Variants in IQSEC1 observed in about 807,000 individuals in gnomAD.
IQSEC1 encodes the protein IQ motif and SEC7 domain-containing protein 1.
Under a neutral mutation model 91.0 loss-of-function variants are expected in IQSEC1, and 31 were observed. The observed-to-expected ratio is 0.34, with a 90% CI of 0.26 to 0.46. The LOEUF (loss-of-function observed/expected upper bound fraction) is 0.46, where lower values mean the gene tolerates loss of function less well. Ranked by LOEUF, IQSEC1 falls within the 20% of genes least tolerant of loss-of-function variation. IQSEC1 has a pLI of 1.00. For missense variants in IQSEC1, 1,388 were observed against 1,575.6 expected (o/e 0.88, Z 2.02); for synonymous variants, 699 against 662.6 (o/e 1.05, Z -0.84).
At chr3:13,279,225 T>C (rs1308306175) in intron 1 of IQSEC1, among the ~76,000 whole-genome samples, 1 of 152,224 alleles carries the variant, frequency 6.6e-6, no homozygotes, top group East Asian at 1.9e-4. Context: ...AAATCTTTAC[T>C]GAGTGCCTAT....
At chr3:13,070,845 C>T (rs1261648286) in intron 1 of IQSEC1, among the ~76,000 whole-genome samples, 4 of 152,214 alleles carry the variant, frequency 2.6e-5, no homozygotes, top group Admixed American at 6.5e-5. Context: ...GAAGGCTAGA[C>T]GAGCTTATTC....
At chr3:12,978,897 G>A (rs558595634) in intron 1 of IQSEC1, among the ~76,000 whole-genome samples, 3 of 152,242 alleles carry the variant, frequency 2.0e-5, no homozygotes, top group African/African-American at 7.2e-5. Flanking sequence ...GGAATTCACC[G>A]GGTGGCCCAG....
At position 12,915,106 on chromosome 3, in the gene IQSEC1, A is replaced by G; in HGVS notation, c.2188T>C (p.Cys730Arg). 3 of 1,607,316 alleles carry G rather than the reference A, an allele frequency of 1.9e-6. No individual in the cohort carries two copies. Among genetic ancestry groups the G allele is most frequent in the Admixed American group, 3.4e-5 (2 of 59,426 alleles). The change falls in exon 8 of 14, where the codon TGT becomes CGT. Residue 730 changes from cysteine (C) to arginine (R), a missense_variant and splice_region_variant. Around this residue, in one of 2 missense-constraint regions of IQSEC1, gnomAD observed 1,059 missense variants for 1,317.8 expected, o/e 0.80. Coordinates refer to ENST00000613206, the MANE Select transcript of IQSEC1 (RefSeq NM_001134382.3). ...PIGSLHPGLG[C>R]VLSLPHRRLV... ...GGTAAAACCAGAGAAATACTCACAC[A>G]GCCGAGCCCGGGATGCAGGGATCCG... is the stretch of plus-strand genomic sequence containing the variant.
At chr3:13,067,022 C>T (rs1391625078) in intron 1 of IQSEC1, among the ~76,000 whole-genome samples, 1 of 152,244 alleles carries the variant, frequency 6.6e-6, no homozygotes, top group Non-Finnish European at 1.5e-5. Flanking sequence ...TAACCAGGAA[C>T]TTTCCAGATG....
rs569500473 is a variant in IQSEC1 at position 12,958,627 on chromosome 3, A to C, written c.24-16762T>G. ...GGAGGTGAGCTGGCCAAAGAGGAAG[A>C]GGTCTGAAGGAACATAGACCATCTG... is the stretch of plus-strand genomic sequence containing the variant. On this transcript the variant is annotated intron_variant, in intron 1 of 13. Coordinates refer to ENST00000613206, the MANE Select transcript of IQSEC1 (RefSeq NM_001134382.3). 2.6e-5 allele frequency among the ~76,000 whole-genome samples: 4 copies of C among 152,340 alleles called. No individual in the cohort carries two copies. In the East Asian group the frequency reaches 7.7e-4, roughly 29 times the overall value.
intron 1 of IQSEC1, among the ~76,000 whole-genome samples, chr3:13,175,822 C>G (rs746865351): frequency 1.8e-4 from 28 of 152,208 alleles, no homozygotes; most frequent in Non-Finnish European, 3.8e-4. Flanking sequence ...GCTCTCCAAA[C>G]AGGAGGCTGG....
At chr3:13,127,375 T>C (rs1439855195) in intron 2 of IQSEC1, among the ~76,000 whole-genome samples, 2 of 152,102 alleles carry the variant, frequency 1.3e-5, no homozygotes, top group East Asian at 3.9e-4. Context: ...GATGGCACCA[T>C]TGCACTCCAG....
At chr3:13,201,596 G>A (rs536534276) in intron 1 of IQSEC1, among the ~76,000 whole-genome samples, 10 of 152,140 alleles carry the variant, frequency 6.6e-5, no homozygotes, top group East Asian at 3.9e-4. Context: ...CTCCTGCCTC[G>A]GCCACCCAAA....
chr3:13,275,771 T>C (rs964891301), intron 1 of IQSEC1, among the ~76,000 whole-genome samples: 7 of 152,108 alleles, frequency 4.6e-5, no homozygotes, highest in Non-Finnish European at 7.4e-5. Context: ...GTGGAGGCAG[T>C]GGGGGAGCGG....
intron 1 of IQSEC1, among the ~76,000 whole-genome samples, chr3:13,168,680 G>A (rs1204617046): frequency 6.6e-6 from 1 of 152,144 alleles, no homozygotes; most frequent in African/African-American, 2.4e-5. Context: ...ACACAGCCAA[G>A]CTCCCCAACA....
rs1707052685 is a variant in IQSEC1, at chr3:13,154,460, T to TATACAC, written c.302+9643_302+9644insGTGTAT. 3.4e-5 allele frequency among the ~76,000 whole-genome samples: 2 copies of TATACAC among 59,434 alleles called. 1 individual carries two copies. The highest frequency in any genetic ancestry group is 1.5e-4 in the African/African-American group (2 of 13,496). The allele number at this position is 59,434 out of a possible 152,430, so 39.0% of individuals were successfully genotyped here. A position where few individuals can be genotyped will look rare whatever the true frequency, so the allele number is the denominator to read the frequency against. ...ATGCATATATATATATATATATATA[T>TATACAC]ATATATATATATATATGCAAAAACT... On this transcript the variant is annotated intron_variant, in intron 2 of 15. Coordinates refer to the IQSEC1 transcript ENST00000648114.
intron 1 of IQSEC1, among the ~76,000 whole-genome samples, chr3:13,227,383 A>AG: frequency 6.7e-6 from 1 of 148,778 alleles, no homozygotes; most frequent in East Asian, 1.9e-4. Context: ...CTCAAAAAAA[A>AG]AAAAAAAAAA....
chr3:12,922,217 A>G lies in IQSEC1; in HGVS notation c.1756T>C (p.Ser586Pro), dbSNP rs1461947413. The change falls in exon 5 of 14, where the codon TCT (serine) becomes CCT (proline). Residue 586 changes from serine to proline, a missense_variant. Physicochemically the swap from Ser to Pro is moderately conservative, Grantham distance 74 (BLOSUM62 -1). Around this residue, in one of 2 missense-constraint regions of IQSEC1, gnomAD observed 1,059 missense variants for 1,317.8 expected, o/e 0.80. Coordinates refer to ENST00000613206, the MANE Select transcript of IQSEC1 (RefSeq NM_001134382.3). The surrounding 1 kb of genome is among the most constrained non-coding windows in gnomAD (Gnocchi z 5.1). ...AGGGCCTCATCCAGCTCCATGGTAG[A>G]GAAGTCCATCTCGTCCACGACGCAG... ...LDCVVDEMDF[S>P]TMELDEALRK... The G allele has an allele frequency of 3.7e-6, 6 of 1,603,830 alleles. No individual in the cohort carries two copies. The highest frequency in any genetic ancestry group is 1.7e-5 in the Admixed American group (1 of 59,482).
intron 2 of IQSEC1, among the ~76,000 whole-genome samples, chr3:13,092,833 G>C (rs1705887333): frequency 6.6e-6 from 1 of 152,180 alleles, no homozygotes. Flanking sequence ...CTCTGCTCCA[G>C]GCACGCTGGC....
rs1164970252 is a variant in IQSEC1, at chr3:13,282,601, C to T, written c.272+110G>A. Among the ~76,000 whole-genome samples, 3 of 151,820 alleles carry T rather than the reference C, an allele frequency of 2.0e-5. No individual in the cohort carries two copies. Among genetic ancestry groups the T allele is most frequent in the African/African-American group, 7.2e-5 (3 of 41,406 alleles). ...GCGGGTGTGGGCGCTCCCGGGCCGG[C>T]CACGCGCCCTCCCGCACCCGCCCAC... On this transcript the variant is annotated intron_variant, in intron 1 of 15. Coordinates refer to the IQSEC1 transcript ENST00000648114. The surrounding 1 kb of genome is among the most constrained non-coding windows in gnomAD (Gnocchi z 6.4).
chr3:12,921,895 G>A (rs777089236), intron 5 of IQSEC1, among the ~76,000 whole-genome samples: 7 of 152,112 alleles, frequency 4.6e-5, no homozygotes, highest in Admixed American at 6.5e-5. Context: ...TAAAATAATC[G>A]GTACAGTCTT....
At chr3:13,246,586 C>T (rs567876618) in intron 1 of IQSEC1, among the ~76,000 whole-genome samples, 4 of 152,294 alleles carry the variant, frequency 2.6e-5, no homozygotes, top group East Asian at 1.9e-4. Context: ...AATATAGCTA[C>T]GAAATATAAA....
At chr3:13,115,505 C>G (rs1357970918) in intron 2 of IQSEC1, among the ~76,000 whole-genome samples, 2 of 152,218 alleles carry the variant, frequency 1.3e-5, no homozygotes, top group Non-Finnish European at 2.9e-5. Context: ...CCTGATTTAG[C>G]CTTGCACTTT....
chr3:13,256,304 C>T (rs1695285002), intron 1 of IQSEC1, among the ~76,000 whole-genome samples: 1 of 152,096 alleles, frequency 6.6e-6, no homozygotes, highest in Admixed American at 6.6e-5. Flanking sequence ...ATGCACACTT[C>T]AAATGGCTAA....
Sources: allele counts gnomAD v4.1 joint callset (sites outside exome capture counted in the v4.1 genomes callset), GRCh38; gene constraint gnomAD v4.1.1; regional missense constraint gnomAD v4.1.1; non-coding constraint Gnocchi (gnomAD v3.1); transcripts MANE v1.5; gene names NCBI Gene and HGNC (gene_info 2026-07-23, HGNC 2026-07-21).